The following IDH2 variants were observed in gnomAD, a reference collection of about 807,000 sequenced individuals.
IDH2 encodes the protein isocitrate dehydrogenase (NADP(+)) 2, also known as isocitrate dehydrogenase [NADP], mitochondrial.
In IDH2, 18 loss-of-function variants were observed where a neutral mutation model predicts 50.5. The observed-to-expected ratio is 0.36, with a 90% CI of 0.25 to 0.53. The LOEUF (loss-of-function observed/expected upper bound fraction) is 0.53, where lower values mean the gene tolerates loss of function less well. Ranked by LOEUF, IDH2 falls within the 20% of genes least tolerant of loss-of-function variation. IDH2 has a pLI of 0.92. For synonymous variants in IDH2, 280 were observed against 239.8 expected, an observed-to-expected ratio of 1.17 and a Z score of -1.55; for missense variants, 518 against 610.7, an observed-to-expected ratio of 0.85 and a Z score of 1.60.
At position 90,102,347 on chromosome 15, in the gene IDH2, G is replaced by A; in HGVS notation, c.44C>T (p.Ser15Leu). 5.1e-6 allele frequency: 7 copies of A among 1,369,176 alleles called. No homozygotes were observed. The highest frequency in any genetic ancestry group is 6.7e-6 in the Non-Finnish European group (7 of 1,051,142). 84.8% of individuals were successfully genotyped at this position (1,369,176 alleles called of 1,614,324 possible). ...LRVVRSLCRA[S>L]GSRPAWAPAA... is the part of the protein sequence containing the mutation. ...CGGCGCCCAGGCCGGCCGCGAGCCT[G>A]AGGCTCTGCAGAGCGAGCGCACGAC... Residue 15 changes from serine (S) to leucine (L), a missense_variant, in exon 1 of 11, where the codon TCA (serine) becomes TTA (leucine). Ser to Leu is a moderately radical substitution (Grantham distance 145). Around this residue, in one of 5 missense-constraint regions of IDH2, gnomAD observed 85 missense variants for 66.9 expected, o/e 1.27. Transcript: ENST00000330062.
chr15:90,094,211 G>C (rs994853022), intron 1 of IDH2, among the ~76,000 whole-genome samples: 1 of 152,098 alleles, frequency 6.6e-6, no homozygotes. Flanking sequence ...AGTCTGACTC[G>C]CAGGAATACC....
In IDH2 at chr15:90,085,214, C is replaced by G; in HGVS notation, c.1080+61G>C. 1 of 1,530,130 alleles carries G rather than the reference C, an allele frequency of 6.5e-7. No individual in the cohort carries two copies. Among genetic ancestry groups the G allele is most frequent in the Non-Finnish European group, 9.0e-7 (1 of 1,115,380 alleles). The allele number at this position is 1,530,130 out of a possible 1,614,324, so 94.8% of individuals were successfully genotyped here. On this transcript the variant is annotated intron_variant, in intron 8 of 10. Transcript: ENST00000330062. The surrounding 1 kb of genome is among the most constrained non-coding windows in gnomAD (Gnocchi z 5.5). ...CAGGCTCGTCCTTCCAGCCCTCAGCCCAGTGGGCTTTAGGCCCCTGGGGTA... is the reference window on the plus strand; with the variant it reads ...CAGGCTCGTCCTTCCAGCCCTCAGCGCAGTGGGCTTTAGGCCCCTGGGGTA...
At chr15:90,094,058 C>G (rs1420032966) in intron 1 of IDH2, among the ~76,000 whole-genome samples, 1 of 152,132 alleles carries the variant, frequency 6.6e-6, no homozygotes. Flanking sequence ...ACAGCACCTG[C>G]GAATGGAACT....
At chr15:90,088,949 C>CT (rs1900955524) in intron 3 of IDH2, among the ~76,000 whole-genome samples, 1 of 139,842 alleles carries the variant, frequency 7.2e-6, no homozygotes, top group Non-Finnish European at 1.5e-5. Flanking sequence ...AGTTTTGCTC[C>CT]TATTGCCCAG....
Position 90,088,393 on chromosome 15 carries a change from C to T in IDH2, c.644G>A (p.Gly215Asp), listed in dbSNP as rs1766747830. The change falls in exon 5 of 11, where the codon GGC (glycine) becomes GAC (aspartate). Residue 215 changes from glycine (G) to aspartate (D), a missense_variant. Gly to Asp is a moderately conservative substitution (Grantham distance 94, BLOSUM62 -1). Around this residue, in one of 5 missense-constraint regions of IDH2, gnomAD observed 207 missense variants for 208.6 expected, o/e 0.99. Coordinates refer to ENST00000330062, the MANE Select transcript of IDH2 (RefSeq NM_002168.4). ...GTTGTACATGCCCATGCCCACGCCG[C>T]CTGCGGGGAAGTTGTACACTTCCCA... ...KEWEVYNFPA[G>D]GVGMGMYNTD... 1 of 1,614,168 alleles carries T rather than the reference C, an allele frequency of 6.2e-7. No homozygotes were observed. The highest frequency in any genetic ancestry group is 8.5e-7 in the Non-Finnish European group (1 of 1,180,048).
intron 3 of IDH2, among the ~76,000 whole-genome samples, chr15:90,089,317 A>C (rs1900968355): frequency 6.6e-6 from 1 of 152,222 alleles, no homozygotes; most frequent in Non-Finnish European, 1.5e-5. Flanking sequence ...GTGAGGACGA[A>C]ATGAGCTCGT....
chr15:90,097,823 G>A (rs1216291847), intron 1 of IDH2, among the ~76,000 whole-genome samples: 3 of 152,050 alleles, frequency 2.0e-5, no homozygotes, highest in South Asian at 2.1e-4. Context: ...AGTTTTATAC[G>A]TTTTTTACCA....
intron 1 of IDH2, among the ~76,000 whole-genome samples, chr15:90,099,530 C>T (rs1901275441): frequency 6.6e-6 from 1 of 152,174 alleles, no homozygotes; most frequent in Non-Finnish European, 1.5e-5. Flanking sequence ...TGCAGTGGCA[C>T]AATTGTACCT....
At position 90,090,657 on chromosome 15, in the gene IDH2, GGCCAGA is replaced by G. The variant is rs748572107; in HGVS notation, c.208-19_208-14del. On this transcript the variant is annotated splice_polypyrimidine_tract_variant and intron_variant, in intron 2 of 10. Transcript: ENST00000330062. The stretch of plus-strand genomic sequence containing the variant: ...GGGGCAGGATGAGCTGGGGACAGAG[GGCCAGA>G]GCAAGGCGTCACCCCAGTGACTCAG... 34 of 1,614,072 alleles carry G rather than the reference GGCCAGA, an allele frequency of 2.1e-5. No individual in the cohort carries two copies. The highest frequency in any genetic ancestry group is 2.7e-5 in the Non-Finnish European group (32 of 1,179,950).
At position 90,092,578 on chromosome 15, in the gene IDH2, AT is replaced by A. The variant is rs112349201; in HGVS notation, c.116-935del. ...ATGCCACCACACCCAGCTATTTTTA[AT>A]TTTTTTTTTTTCTGAGACGAAGTTT... On this transcript the variant is annotated intron_variant, in intron 1 of 10. Transcript: ENST00000330062. Among the ~76,000 whole-genome samples the A allele has an allele frequency of 2.7e-4, 40 of 146,676 alleles. No individual in the cohort carries two copies. In the East Asian group the frequency reaches 5.4e-3, roughly 20 times the overall value.
In IDH2 at chr15:90,090,541, G is replaced by A; in HGVS notation, c.311C>T (p.Thr104Ile). 1 of 1,614,192 alleles carries A rather than the reference G, an allele frequency of 6.2e-7. No individual in the cohort carries two copies. The highest frequency in any genetic ancestry group is 8.5e-7 in the Non-Finnish European group (1 of 1,180,042). ...DQVTIDSALATQKYSVAVKCA... is the reference protein window; with the variant it reads ...DQVTIDSALAIQKYSVAVKCA... ...CTTGACAGCCACACTGTACTTCTGG[G>A]TGGCCAGTGCAGAGTCAATGGTGAC... Residue 104 changes from threonine to isoleucine, a missense_variant, in exon 3 of 11, where the codon ACC becomes ATC. Physicochemically the swap from Thr to Ile is moderately conservative, Grantham distance 89 (BLOSUM62 -1). Transcript: ENST00000330062.
intron 1 of IDH2, among the ~76,000 whole-genome samples, chr15:90,099,459 C>T (rs1235995307): frequency 3.9e-5 from 6 of 152,280 alleles, no homozygotes; most frequent in Non-Finnish European, 7.4e-5. Context: ...TTCTCCTTAG[C>T]TCTTCTCTTT....
chr15:90,091,699 CTCT>C, intron 1 of IDH2, 55 bp from the exon 2 acceptor site: 2 of 1,469,894 alleles, frequency 1.4e-6, no homozygotes, highest in Non-Finnish European at 1.9e-6. Context: ...GAGGGGGGCC[CTCT>C]CCTCCCAGCC....
rs2151549238 is a variant in IDH2 at position 90,088,434 on chromosome 15, G to A, written c.603C>T (p.Gly201=). 1 of 1,614,198 alleles carries A rather than the reference G, an allele frequency of 6.2e-7. No individual in the cohort carries two copies. The highest frequency in any genetic ancestry group is 2.2e-5 in the East Asian group (1 of 44,870). The change falls in exon 5 of 11, where the codon GGC becomes GGT. Residue 201 remains glycine, a synonymous_variant. Transcript: ENST00000330062. The stretch of plus-strand genomic sequence containing the variant: ...ACACTTCCCACTCCTTGACACCACT[G>A]CCATCTTTTGGGGTGAAGACCATTT... ...TFKMVFTPKD[G]SGVKEWEVYN...
chr15:90,084,715 C>T lies in IDH2; in HGVS notation c.1271+101G>A. Reference sequence around the variant, plus strand: ...GCTGTGGACATGTCCTGCCCCAGGCCCCCTTGCAGCTAAGCTGACTCATGA... The same window carrying T: ...GCTGTGGACATGTCCTGCCCCAGGCTCCCTTGCAGCTAAGCTGACTCATGA... On this transcript the variant is annotated intron_variant, in intron 10 of 10. Coordinates refer to ENST00000330062, the MANE Select transcript of IDH2 (RefSeq NM_002168.4). The surrounding 1 kb of genome is among the most constrained non-coding windows in gnomAD (Gnocchi z 5.0). The T allele has an allele frequency of 1.0e-6, 1 of 961,790 alleles. No homozygotes were observed. Among genetic ancestry groups the T allele is most frequent in the Non-Finnish European group, 1.7e-6 (1 of 598,172 alleles). 59.6% of individuals were successfully genotyped at this position (961,790 alleles called of 1,614,324 possible). A position where few individuals can be genotyped will look rare whatever the true frequency, so the allele number is the denominator to read the frequency against.
chr15:90,087,779 C>CTT (rs369432003), intron 5 of IDH2, among the ~76,000 whole-genome samples: 23 of 128,830 alleles, frequency 1.8e-4, no homozygotes, highest in African/African-American at 3.0e-4. Flanking sequence ...AAAACACCGC[C>CTT]TTTTTTTTTT....
At chr15:90,101,608 TGC>T (rs1901333062) in intron 1 of IDH2, among the ~76,000 whole-genome samples, 1 of 148,512 alleles carries the variant, frequency 6.7e-6, no homozygotes, top group African/African-American at 2.5e-5. Flanking sequence ...GGAGGGCATG[TGC>T]CTGCCAAGGC....
intron 1 of IDH2, among the ~76,000 whole-genome samples, chr15:90,091,988 G>C (rs558951335): frequency 6.6e-6 from 1 of 152,294 alleles, no homozygotes; most frequent in South Asian, 2.1e-4. Context: ...CCTGGGAACT[G>C]CGCACACGAG....
At chr15:90,090,357 A>G (rs1397824059) in intron 3 of IDH2, 122 bp downstream of exon 3, 1 of 1,074,778 alleles carries the variant, frequency 9.3e-7, no homozygotes, top group African/African-American at 1.6e-5. Context: ...CCAGCTCTGG[A>G]GCCTCCCAAC....
Sources: allele counts gnomAD v4.1 joint callset (sites outside exome capture counted in the v4.1 genomes callset), GRCh38; gene constraint gnomAD v4.1.1; regional missense constraint gnomAD v4.1.1; non-coding constraint Gnocchi (gnomAD v3.1); transcripts MANE v1.5; gene names NCBI Gene and HGNC (gene_info 2026-07-23, HGNC 2026-07-21).